The following ARID1A variants were observed in gnomAD, a reference collection of about 807,000 sequenced individuals.
ARID1A encodes the protein AT-rich interaction domain 1A.
A neutral mutation model predicts 212.6 loss-of-function variants in ARID1A; 20 were observed. The observed-to-expected ratio is 0.09, with a 90% confidence interval of 0.07 to 0.14. The LOEUF (loss-of-function observed/expected upper bound fraction) is 0.14, where lower values mean the gene tolerates loss of function less well. ARID1A is among the 10% of genes least tolerant of loss of function. The probability of loss-of-function intolerance (pLI) is 1.00; values close to 1 mark genes in which losing one functional copy is unlikely to be tolerated. For synonymous variants in ARID1A, 1,376 were observed against 1,222.1 expected, an observed-to-expected ratio of 1.13 and a Z score of -2.63; for missense variants, 2,587 against 3,059.0, an observed-to-expected ratio of 0.85 and a Z score of 3.64.
At chr1:26,729,896 T>G (rs777853031) in intron 2 of ARID1A, 33 bp downstream of exon 2, 2 of 1,601,516 alleles carry the variant, frequency 1.2e-6, no homozygotes, top group Admixed American at 3.3e-5. Flanking sequence ...TTGACCCTTG[T>G]TGCTGTCCAA....
chr1:26,776,568 C>T (rs754982013), intron 19 of ARID1A, among the ~76,000 whole-genome samples: 31 of 152,178 alleles, frequency 2.0e-4, no homozygotes, highest in Non-Finnish European at 3.5e-4. Context: ...CAACCGCGCC[C>T]GGCCCTACAA....
Position 26,766,362 on chromosome 1 carries a change from T to C in ARID1A, c.2874T>C (p.Ser958=). 6.2e-7 allele frequency: 1 copy of C among 1,614,162 alleles called. No homozygotes were observed. Among genetic ancestry groups the C allele is most frequent in the Non-Finnish European group, 8.5e-7 (1 of 1,180,020 alleles). ...TGGGTGGAACCATGGCCAACAATTC[T>C]GCAGGTAAGTGCTAGTCATTCTCAC... ...YSMGGTMANN[S]AGMAASPEMM... Residue 958 remains serine, a synonymous_variant, in exon 9 of 20, where the codon TCT becomes TCC. Coordinates refer to ENST00000324856, the MANE Select transcript of ARID1A (RefSeq NM_006015.6).
At chr1:26,761,254 G>T (rs954018096) in intron 5 of ARID1A, 130 bp from the exon 6 acceptor site, 5 of 1,452,576 alleles carry the variant, frequency 3.4e-6, no homozygotes, top group Non-Finnish European at 4.7e-6. Context: ...CTGTTGGCTG[G>T]ATCTCTTTGT....
At chr1:26,730,846 A>G (rs1199390680) in intron 2 of ARID1A, among the ~76,000 whole-genome samples, 1 of 152,234 alleles carries the variant, frequency 6.6e-6, no homozygotes, top group Non-Finnish European at 1.5e-5. Context: ...CTAGGCCGTG[A>G]TAAAAAGAGT....
chr1:26,712,785 G>A (rs2080466523), intron 1 of ARID1A, among the ~76,000 whole-genome samples: 1 of 152,258 alleles, frequency 6.6e-6, no homozygotes. Context: ...GTGGACATTT[G>A]AGCCAAGACC....
chr1:26,712,383 G>A (rs2080462889), intron 1 of ARID1A, among the ~76,000 whole-genome samples: 1 of 152,190 alleles, frequency 6.6e-6, no homozygotes, highest in South Asian at 2.1e-4. Flanking sequence ...TGAAGTTTTA[G>A]TAAATAAACC....
intron 1 of ARID1A, among the ~76,000 whole-genome samples, chr1:26,697,958 C>G (rs1436919894): frequency 6.6e-6 from 1 of 152,160 alleles, no homozygotes; most frequent in African/African-American, 2.4e-5. Flanking sequence ...CTCTCCGTCC[C>G]CCGGCCTTCC....
chr1:26,734,068 G>T (rs954502329), intron 4 of ARID1A, among the ~76,000 whole-genome samples: 2 of 152,192 alleles, frequency 1.3e-5, no homozygotes, highest in Non-Finnish European at 2.9e-5. Context: ...GGAAGGAAGT[G>T]CCTTAATAAA....
chr1:26,718,600 C>T (rs934472078), intron 1 of ARID1A, among the ~76,000 whole-genome samples: 5 of 152,176 alleles, frequency 3.3e-5, no homozygotes, highest in East Asian at 3.8e-4. Context: ...ACCATTAATA[C>T]GTACATTCTC....
At chr1:26,763,725 C>T (rs1234059656) in intron 8 of ARID1A, among the ~76,000 whole-genome samples, 5 of 152,150 alleles carry the variant, frequency 3.3e-5, no homozygotes, top group African/African-American at 9.6e-5. Context: ...GCCAAGACTG[C>T]GCCACCACAC....
chr1:26,731,433 C>T lies in ARID1A; in HGVS notation c.1632C>T (p.His544=), dbSNP rs772448072. Residue 544 remains histidine, a synonymous_variant, in exon 3 of 20, where the codon CAC becomes CAT. Coordinates refer to ENST00000324856, the MANE Select transcript of ARID1A (RefSeq NM_006015.6). ...YPSQQSTTQQ[H]PQSQPPYSQP... ...CCCAGCAGTCGACGACACAGCAGCACCCCCAGAGCCAGCCCCCCTACTCAC... is the reference window on the plus strand; with the variant it reads ...CCCAGCAGTCGACGACACAGCAGCATCCCCAGAGCCAGCCCCCCTACTCAC... 4 of 1,613,920 alleles carry T rather than the reference C, an allele frequency of 2.5e-6. No individual in the cohort carries two copies. The highest frequency in any genetic ancestry group is 1.1e-5 in the South Asian group (1 of 91,068).
At chr1:26,719,375 T>C (rs1391135340) in intron 1 of ARID1A, among the ~76,000 whole-genome samples, 1 of 152,216 alleles carries the variant, frequency 6.6e-6, no homozygotes, top group Non-Finnish European at 1.5e-5. Flanking sequence ...CTGAGGTGCA[T>C]TTCTAGCTTT....
rs185759594 is a variant in ARID1A at position 26,772,455 on chromosome 1, A to C, written c.3407-45A>C. The stretch of plus-strand genomic sequence containing the variant: ...TCGTGTGTTTGTGTGAGAGTTAAAC[A>C]CTGTCATGCCAAGCAAACTACTCAA... On this transcript the variant is annotated intron_variant, in intron 12 of 19. Transcript: ENST00000324856. 350 of 1,613,154 alleles carry C rather than the reference A, an allele frequency of 2.2e-4. 1 individual carries two copies. The African/African-American group carries it at 4.2e-3, about 19-fold the overall frequency.
chr1:26,770,914 G>A (rs1275085475), intron 11 of ARID1A: 3 of 587,916 alleles, frequency 5.1e-6, no homozygotes, highest in South Asian at 4.2e-5. Flanking sequence ...GATAGTTGCA[G>A]TGGAACATCC....
rs2080247626 is a variant in ARID1A, at chr1:26,696,135, G to A, written c.-269G>A. Reference sequence around the variant, plus strand: ...TGGGGGGAATGAGCCGGGAGAGCCGGGTCCCGAGCCTACAGAGCCGGGAGC... The same window carrying A: ...TGGGGGGAATGAGCCGGGAGAGCCGAGTCCCGAGCCTACAGAGCCGGGAGC... On this transcript the variant is annotated 5_prime_UTR_variant, in exon 1 of 20. Coordinates refer to ENST00000324856, the MANE Select transcript of ARID1A (RefSeq NM_006015.6). The A allele has an allele frequency of 8.2e-6, 4 of 485,616 alleles. No homozygotes were observed. The highest frequency in any genetic ancestry group is 5.3e-5 in the Admixed American group (1 of 18,800). 30.1% of individuals were successfully genotyped at this position (485,616 alleles called of 1,614,324 possible). A position where few individuals can be genotyped will look rare whatever the true frequency, so the allele number is the denominator to read the frequency against.
At chr1:26,772,159 C>A in intron 12 of ARID1A, 1 of 244,318 alleles carries the variant, frequency 4.1e-6, no homozygotes, top group Non-Finnish European at 8.0e-6. Context: ...GGAGCTCATG[C>A]ACCAGCATTA....
At chr1:26,731,019 C>G (rs2080670755) in intron 2 of ARID1A, 133 bp from the exon 3 acceptor site, 2 of 1,032,564 alleles carry the variant, frequency 1.9e-6, no homozygotes, top group African/African-American at 3.2e-5. Flanking sequence ...GAGAAAAACC[C>G]TGGGCCTCCT....
intron 1 of ARID1A, among the ~76,000 whole-genome samples, chr1:26,700,962 G>A (rs1023019622): frequency 6.6e-6 from 1 of 152,230 alleles, no homozygotes; most frequent in Admixed American, 6.5e-5. Context: ...GGCTTCTTGT[G>A]TATTGGGCCC....
intron 1 of ARID1A, among the ~76,000 whole-genome samples, chr1:26,705,053 G>C (rs1570549156): frequency 6.6e-6 from 1 of 152,174 alleles, no homozygotes; most frequent in Admixed American, 6.5e-5. Flanking sequence ...AACAGCTGAA[G>C]ATGCATGGCA....
Sources: gnomAD v4.1 joint callset for allele counts (sites outside exome capture counted in the v4.1 genomes callset) on GRCh38, gnomAD v4.1.1 for gene constraint, MANE v1.5 for transcripts, NCBI Gene and HGNC (gene_info 2026-07-23, HGNC 2026-07-21) for gene names.